The following TTC23 variants were observed in gnomAD, a reference collection of about 807,000 sequenced individuals.
TTC23 encodes tetratricopeptide repeat protein 23.
In TTC23, 58 loss-of-function variants were observed where a neutral mutation model predicts 55.1. The observed-to-expected ratio is 1.05, with a 90% CI of 0.85 to 1.31. TTC23 has a LOEUF of 1.31. Ranked by LOEUF, TTC23 falls within the 50% of genes most tolerant of loss-of-function variation. TTC23 has a pLI of 0.00. For synonymous variants in TTC23, 203 were observed against 199.9 expected (o/e 1.02, Z -0.13); for missense variants, 516 against 534.4 (o/e 0.97, Z 0.34).
At chr15:99,174,832 G>T (rs573626853) in intron 10 of TTC23, among the ~76,000 whole-genome samples, 1 of 152,304 alleles carries the variant, frequency 6.6e-6, no homozygotes, top group African/African-American at 2.4e-5. Flanking sequence ...CTGTATTTAA[G>T]AATAAAAGAC....
chr15:99,179,634 A>G (rs2073932547), intron 9 of TTC23, among the ~76,000 whole-genome samples: 1 of 152,238 alleles, frequency 6.6e-6, no homozygotes, highest in East Asian at 1.9e-4. Context: ...CCATGGCACC[A>G]TTGATTTTCA....
At chr15:99,139,611 C>A in intron 12 of TTC23, 1 of 1,523,672 alleles carries the variant, frequency 6.6e-7, no homozygotes, top group Non-Finnish European at 8.8e-7. Flanking sequence ...CACTATTTCA[C>A]AAAACTCTCT....
intron 9 of TTC23, among the ~76,000 whole-genome samples, chr15:99,182,248 TCACA>T (rs56223763): frequency 0.41 from 43,761 of 106,700 alleles, 8,347 homozygotes; most frequent in Middle Eastern, 0.51. Flanking sequence ...TCTCTCTCTC[TCACA>T]CACACACACA....
chr15:99,146,983 C>T (rs1181237870), intron 12 of TTC23, among the ~76,000 whole-genome samples: 4 of 151,888 alleles, frequency 2.6e-5, no homozygotes, highest in East Asian at 1.9e-4. Flanking sequence ...GGTGTGGTCA[C>T]GGCTCACTGC....
chr15:99,161,670 C>G, intron 11 of TTC23, 70 bp downstream of exon 11: 1 of 1,532,092 alleles, frequency 6.5e-7, no homozygotes, highest in Non-Finnish European at 8.8e-7. Flanking sequence ...TGGATGCTTG[C>G]AGAGTAAAGG....
At chr15:99,198,123 T>C (rs553560695) in intron 9 of TTC23, among the ~76,000 whole-genome samples, 1 of 152,290 alleles carries the variant, frequency 6.6e-6, no homozygotes, top group African/African-American at 2.4e-5. Context: ...CCCAGGGCAA[T>C]CACTGTGTGT....
intron 1 of TTC23, among the ~76,000 whole-genome samples, chr15:99,246,709 A>C (rs1252822327): frequency 6.6e-6 from 1 of 152,064 alleles, no homozygotes; most frequent in Non-Finnish European, 1.5e-5. Flanking sequence ...TCACGAGTTC[A>C]GGAGTTCGAG....
At chr15:99,192,804 T>C (rs2602031) in intron 9 of TTC23, among the ~76,000 whole-genome samples, 124,370 of 152,118 alleles carry the variant, frequency 0.82, 51,310 homozygotes, top group East Asian at 0.94. Context: ...TTGCACCGTG[T>C]GCCTGGAAAA....
rs149529741 is a variant in TTC23 at position 99,161,613 on chromosome 15, T to C, written c.993+127A>G. On this transcript the variant is annotated intron_variant, in intron 11 of 13. Transcript: ENST00000394132. ...CAAAGGAGCCCTAGCCTTATTTATG[T>C]GTCCCTCTAGAGACTGGCACATGCT... 1.3e-4 allele frequency: 137 copies of C among 1,048,742 alleles called. No homozygotes were observed. The African/African-American group carries it at 2.0e-3, about 16-fold the overall frequency. The allele number at this position is 1,048,742 out of a possible 1,614,324, so 65.0% of individuals were successfully genotyped here.
chr15:99,187,133 T>C (rs1426216386), intron 9 of TTC23, among the ~76,000 whole-genome samples: 1 of 152,000 alleles, frequency 6.6e-6, no homozygotes, highest in Non-Finnish European at 1.5e-5. Context: ...TGGAACAGAA[T>C]TGAGAATCTA....
At chr15:99,156,107 G>T in intron 12 of TTC23, 41 bp downstream of exon 12, 1 of 1,611,942 alleles carries the variant, frequency 6.2e-7, no homozygotes, top group East Asian at 2.2e-5. Flanking sequence ...GGAGAGGGGA[G>T]GGAGAGCCTA....
At chr15:99,166,236 C>T (rs2072063783) in intron 10 of TTC23, among the ~76,000 whole-genome samples, 1 of 152,208 alleles carries the variant, frequency 6.6e-6, no homozygotes, top group Admixed American at 6.5e-5. Flanking sequence ...CACCTCACAT[C>T]TTTCTAGTCC....
At chr15:99,172,456 C>A (rs1365550198) in intron 10 of TTC23, among the ~76,000 whole-genome samples, 1 of 152,162 alleles carries the variant, frequency 6.6e-6, no homozygotes, top group Non-Finnish European at 1.5e-5. Context: ...CTTCCTGTGT[C>A]CCTTGTCTGC....
intron 12 of TTC23, chr15:99,155,803 AAAG>A (rs781871446): frequency 1.2e-5 from 4 of 338,380 alleles, no homozygotes; most frequent in Non-Finnish European, 2.1e-5. Context: ...CTCCAAATTT[AAAG>A]AAGAATGACA....
At chr15:99,156,443 A>G (rs2070585982) in intron 11 of TTC23, 146 bp from the exon 12 acceptor site, 4 of 935,026 alleles carry the variant, frequency 4.3e-6, no homozygotes, top group Middle Eastern at 2.6e-4. Context: ...TCATGCTGCT[A>G]TGAAGAGATA....
intron 8 of TTC23, among the ~76,000 whole-genome samples, chr15:99,208,739 A>G (rs919328605): frequency 1.3e-5 from 2 of 152,262 alleles, no homozygotes; most frequent in Non-Finnish European, 2.9e-5. Flanking sequence ...TTTATATTTA[A>G]TAAAAAAGGA....
chr15:99,247,752 T>G (rs953371319), intron 1 of TTC23, among the ~76,000 whole-genome samples: 3 of 151,622 alleles, frequency 2.0e-5, no homozygotes, highest in African/African-American at 4.8e-5. Context: ...TGATGAAAAT[T>G]TTCTAAATTT....
At position 99,228,520 on chromosome 15, in the gene TTC23, A is replaced by G. The variant is rs2152068681; in HGVS notation, c.180+13T>C. On this transcript the variant is annotated intron_variant, in intron 5 of 13. Coordinates refer to ENST00000394132, the MANE Select transcript of TTC23 (RefSeq NM_001288615.3). ...TTCTCAGAGTAGAAATACAGAAACA[A>G]AAGTCTCCTTACCTCATGACTGTTG... 7 of 1,587,746 alleles carry G rather than the reference A, an allele frequency of 4.4e-6. No individual in the cohort carries two copies. Among genetic ancestry groups the G allele is most frequent in the Non-Finnish European group, 6.0e-6 (7 of 1,166,242 alleles).
intron 12 of TTC23, among the ~76,000 whole-genome samples, chr15:99,141,446 G>C (rs1490770915): frequency 6.6e-6 from 1 of 152,134 alleles, no homozygotes; most frequent in Non-Finnish European, 1.5e-5. Flanking sequence ...GATGGGGTAG[G>C]TATAGAGGGG....
Sources: allele counts gnomAD v4.1 joint callset (sites outside exome capture counted in the v4.1 genomes callset), GRCh38; gene constraint gnomAD v4.1.1; transcripts MANE v1.5; gene names NCBI Gene and HGNC (gene_info 2026-07-23, HGNC 2026-07-21).